The following TAF4B variants were observed in gnomAD, a reference collection of about 807,000 sequenced individuals.
TAF4B encodes transcription initiation factor TFIID subunit 4B.
TAF4B carries 38 observed loss-of-function variants against 86.4 expected under a neutral mutation model. The ratio of observed to expected loss-of-function variants is 0.44; its 90% CI spans 0.34 to 0.58. TAF4B has a LOEUF of 0.58. Among genes scored for constraint, TAF4B ranks in the 20% least tolerant of loss-of-function variants. The pLI is 0.02. For missense variants in TAF4B, 988 were observed against 1,027.6 expected (o/e 0.96, Z 0.53); for synonymous variants, 388 against 391.2 (o/e 0.99, Z 0.10).
At chr18:26,357,623 TC>T in intron 13 of TAF4B, 66 bp from the exon 14 acceptor site, 1 of 1,071,134 alleles carries the variant, frequency 9.3e-7, no homozygotes, top group South Asian at 1.6e-5. Flanking sequence ...GGCTTAGTAA[TC>T]AGTTTCTTTT....
At chr18:26,326,888 T>TA in intron 11 of TAF4B, 127 bp from the exon 12 acceptor site, 1 of 1,089,078 alleles carries the variant, frequency 9.2e-7, no homozygotes, top group Non-Finnish European at 1.2e-6. Context: ...ACAAAATCAT[T>TA]ACCTTCTGAA....
intron 12 of TAF4B, among the ~76,000 whole-genome samples, chr18:26,330,530 T>G (rs1168664828): frequency 1.3e-5 from 2 of 152,210 alleles, no homozygotes; most frequent in African/African-American, 4.8e-5. Flanking sequence ...GCTTAGGTCA[T>G]ACGGTATACT....
intron 10 of TAF4B, among the ~76,000 whole-genome samples, chr18:26,319,404 G>T (rs2056940736): frequency 2.0e-5 from 3 of 151,890 alleles, no homozygotes; most frequent in Non-Finnish European, 4.4e-5. Flanking sequence ...GGAGGCTGAG[G>T]CAGGAATGTT....
chr18:26,262,781 G>T (rs1447005607), intron 1 of TAF4B, among the ~76,000 whole-genome samples: 1 of 151,936 alleles, frequency 6.6e-6, no homozygotes, highest in Admixed American at 6.6e-5. Flanking sequence ...ATACCTGACC[G>T]GTTTCCAAAA....
At chr18:26,262,964 A>C (rs1374222414) in intron 1 of TAF4B, among the ~76,000 whole-genome samples, 1 of 150,926 alleles carries the variant, frequency 6.6e-6, no homozygotes, top group East Asian at 1.9e-4. Context: ...AAAAGATTTT[A>C]TTTAGAGACA....
chr18:26,339,724 G>T (rs1311090266), intron 13 of TAF4B, among the ~76,000 whole-genome samples: 1 of 152,196 alleles, frequency 6.6e-6, no homozygotes, highest in South Asian at 2.1e-4. Context: ...TCTATGATGT[G>T]TGTTATGTGT....
intron 5 of TAF4B, among the ~76,000 whole-genome samples, chr18:26,275,436 G>A (rs910678944): frequency 6.6e-6 from 1 of 152,254 alleles, no homozygotes; most frequent in Admixed American, 6.5e-5. Context: ...GATTACAGGC[G>A]TGAACCACCA....
At chr18:26,302,726 G>A (rs2056749880) in intron 9 of TAF4B, among the ~76,000 whole-genome samples, 1 of 151,964 alleles carries the variant, frequency 6.6e-6, no homozygotes, top group Non-Finnish European at 1.5e-5. Flanking sequence ...ATGGTTTGGA[G>A]GTTTAGAGAT....
At chr18:26,297,083 G>A (rs2056672448) in intron 9 of TAF4B, among the ~76,000 whole-genome samples, 1 of 151,386 alleles carries the variant, frequency 6.6e-6, no homozygotes, top group African/African-American at 2.4e-5. Context: ...GCAGTGAGCT[G>A]AGATTGCGCC....
intron 14 of TAF4B, among the ~76,000 whole-genome samples, chr18:26,362,930 T>TAC (rs2144315932): frequency 6.6e-6 from 1 of 152,288 alleles, no homozygotes; most frequent in East Asian, 1.9e-4. Context: ...AATTTAAAAA[T>TAC]ACAGTATTAC....
chr18:26,293,958 T>C (rs565957692), intron 9 of TAF4B, among the ~76,000 whole-genome samples: 1 of 152,188 alleles, frequency 6.6e-6, no homozygotes, highest in Admixed American at 6.5e-5. Context: ...AGCATCTGTG[T>C]CATTTGGAAT....
chr18:26,243,531 C>T lies in TAF4B; in HGVS notation c.343+16255C>T, dbSNP rs190140876. On this transcript the variant is annotated intron_variant, in intron 1 of 14. Transcript: ENST00000269142. ...TCTTTGCAGTGGGTTCAAACATCCT[C>T]CTTTAGCTCAGAGAAGTGTGTTATT... 3.9e-3 allele frequency among the ~76,000 whole-genome samples: 593 copies of T among 152,252 alleles called. 3 individuals are homozygous for T. Among genetic ancestry groups the T allele is most frequent in the Non-Finnish European group, 5.8e-3 (395 of 68,008 alleles).
At position 26,293,171 on chromosome 18, in the gene TAF4B, C is replaced by T. The variant is rs1372399280; in HGVS notation, c.1727-255C>T. 2.6e-5 allele frequency among the ~76,000 whole-genome samples: 4 copies of T among 152,154 alleles called. No individual in the cohort carries two copies. The East Asian group carries it at 7.7e-4, about 29-fold the overall frequency. On this transcript the variant is annotated intron_variant, in intron 8 of 14. Transcript: ENST00000269142. ...TGTATTATTAACATGTTTCAGGTGC[C>T]TTTTACCCATGATATTTTTATAATA...
chr18:26,375,725 T>C (rs1316171246), intron 14 of TAF4B, among the ~76,000 whole-genome samples: 1 of 152,162 alleles, frequency 6.6e-6, no homozygotes, highest in African/African-American at 2.4e-5. Flanking sequence ...ATAAGTTCAA[T>C]TTATCAATTT....
chr18:26,251,440 A>T (rs2056004828), intron 1 of TAF4B, among the ~76,000 whole-genome samples: 1 of 152,182 alleles, frequency 6.6e-6, no homozygotes, highest in Admixed American at 6.5e-5. Context: ...TTCCATTCAG[A>T]TCAGCTTGAC....
chr18:26,230,290 AGTGAGG>A (rs1568088891), intron 1 of TAF4B, among the ~76,000 whole-genome samples: 1 of 152,220 alleles, frequency 6.6e-6, no homozygotes, highest in Admixed American at 6.5e-5. Context: ...CTTATGAAGC[AGTGAGG>A]TCCCTTTTCA....
At chr18:26,282,783 C>G (rs991413345) in intron 6 of TAF4B, among the ~76,000 whole-genome samples, 1 of 152,204 alleles carries the variant, frequency 6.6e-6, no homozygotes, top group African/African-American at 2.4e-5. Context: ...GGAGTCAATT[C>G]TCTCATACCC....
At chr18:26,285,476 TG>T (rs2056508335) in intron 6 of TAF4B, among the ~76,000 whole-genome samples, 1 of 151,974 alleles carries the variant, frequency 6.6e-6, no homozygotes, top group Non-Finnish European at 1.5e-5. Context: ...CATGAGCCAC[TG>T]CACCTATTTC....
chr18:26,326,044 A>G (rs1417394458), intron 11 of TAF4B, among the ~76,000 whole-genome samples: 2 of 152,194 alleles, frequency 1.3e-5, no homozygotes, highest in Non-Finnish European at 2.9e-5. Flanking sequence ...CAGGCCAGGC[A>G]CTGACTGTTG....
Sources: gnomAD v4.1 joint callset for allele counts (sites outside exome capture counted in the v4.1 genomes callset) on GRCh38, gnomAD v4.1.1 for gene constraint, MANE v1.5 for transcripts, NCBI Gene and HGNC (gene_info 2026-07-23, HGNC 2026-07-21) for gene names.